The following NOL4 variants were observed in gnomAD, a reference collection of about 807,000 sequenced individuals.
NOL4 encodes the protein nucleolar protein 4, also known as cancer/testis antigen 125.
Under a neutral mutation model 75.9 loss-of-function variants are expected in NOL4, and 17 were observed. The observed-to-expected ratio is 0.22, with a 90% CI of 0.15 to 0.34. NOL4 has a LOEUF of 0.34. Ranked by LOEUF, NOL4 falls within the 10% of genes least tolerant of loss-of-function variation. The pLI is 1.00. For missense variants in NOL4, 614 were observed against 793.5 expected (o/e 0.77, Z 2.72); for synonymous variants, 292 against 289.9 (o/e 1.01, Z -0.07).
intron 1 of NOL4, among the ~76,000 whole-genome samples, chr18:34,145,303 A>G (rs1319610243): frequency 6.6e-6 from 1 of 152,092 alleles, no homozygotes; most frequent in African/African-American, 2.4e-5. Context: ...TCTAGTCTTA[A>G]GTATTATCAA....
At chr18:34,164,330 A>G (rs544061057) in intron 1 of NOL4, among the ~76,000 whole-genome samples, 372 of 152,186 alleles carry the variant, frequency 2.4e-3, no homozygotes, top group Non-Finnish European at 4.6e-3. Flanking sequence ...GAAAATTTTC[A>G]CAACCTACTC....
intron 1 of NOL4, among the ~76,000 whole-genome samples, chr18:34,137,678 G>A (rs540631968): frequency 1.8e-4 from 27 of 151,960 alleles, no homozygotes; most frequent in African/African-American, 6.5e-4. Context: ...TGGTGGGAAT[G>A]CAAAATAATG....
At chr18:34,068,899 G>A (rs2077394657) in intron 5 of NOL4, among the ~76,000 whole-genome samples, 1 of 151,862 alleles carries the variant, frequency 6.6e-6, no homozygotes, top group African/African-American at 2.4e-5. Context: ...AAACTATGGT[G>A]AAAGAAAAGG....
At chr18:34,185,296 T>C (rs549680172) in intron 1 of NOL4, among the ~76,000 whole-genome samples, 15 of 152,272 alleles carry the variant, frequency 9.9e-5, no homozygotes, top group Admixed American at 6.5e-4. Flanking sequence ...TAAAAGACCA[T>C]GGATTACTTC....
intron 9 of NOL4, among the ~76,000 whole-genome samples, chr18:33,909,827 A>T (rs924677532): frequency 6.6e-6 from 1 of 151,976 alleles, no homozygotes; most frequent in South Asian, 2.1e-4. Flanking sequence ...AGGAAGGATA[A>T]AATATATAAA....
chr18:34,119,158 T>C (rs2145820971), intron 2 of NOL4, among the ~76,000 whole-genome samples: 1 of 152,284 alleles, frequency 6.6e-6, no homozygotes, highest in Admixed American at 6.5e-5. Context: ...AAGACAGACA[T>C]ACTGGCCTGC....
chr18:34,000,344 T>C (rs1268196441), intron 6 of NOL4, among the ~76,000 whole-genome samples: 2 of 152,138 alleles, frequency 1.3e-5, no homozygotes, highest in African/African-American at 2.4e-5. Flanking sequence ...TGTCAGAATT[T>C]CCTTGAATGT....
At chr18:34,049,538 T>A (rs1253124511) in intron 5 of NOL4, among the ~76,000 whole-genome samples, 1 of 152,214 alleles carries the variant, frequency 6.6e-6, no homozygotes, top group South Asian at 2.1e-4. Flanking sequence ...GAAGGAAAGA[T>A]ACAGGGCAGG....
At chr18:33,939,801 A>G (rs111481712) in intron 9 of NOL4, among the ~76,000 whole-genome samples, 2 of 152,066 alleles carry the variant, frequency 1.3e-5, no homozygotes, top group African/African-American at 4.8e-5. Flanking sequence ...AGAACTTCCA[A>G]TACTGTGTTG....
At chr18:33,923,877 T>C (rs965251738) in intron 9 of NOL4, among the ~76,000 whole-genome samples, 1 of 152,180 alleles carries the variant, frequency 6.6e-6, no homozygotes, top group East Asian at 1.9e-4. Context: ...GTTTAAAATA[T>C]CTTCTCCCCC....
At chr18:33,919,006 T>C (rs2066883594) in intron 9 of NOL4, among the ~76,000 whole-genome samples, 1 of 152,156 alleles carries the variant, frequency 6.6e-6, no homozygotes, top group African/African-American at 2.4e-5. Context: ...AAATAAATGA[T>C]TAAATAAAAT....
intron 9 of NOL4, among the ~76,000 whole-genome samples, chr18:33,920,277 A>T (rs1176650975): frequency 3.3e-5 from 5 of 152,200 alleles, no homozygotes; most frequent in African/African-American, 1.2e-4. Context: ...TACAAAAAAA[A>T]TGAATATATT....
intron 6 of NOL4, among the ~76,000 whole-genome samples, chr18:34,015,371 A>G (rs2074624983): frequency 6.6e-6 from 1 of 151,894 alleles, no homozygotes; most frequent in Non-Finnish European, 1.5e-5. Context: ...CTGAGCACTA[A>G]CTCTCCTAAC....
intron 6 of NOL4, among the ~76,000 whole-genome samples, chr18:33,987,350 C>T (rs1414752487): frequency 1.3e-5 from 2 of 151,954 alleles, no homozygotes; most frequent in Admixed American, 6.6e-5. Context: ...AGATGAATGA[C>T]ACTTGATCAC....
intron 5 of NOL4, among the ~76,000 whole-genome samples, chr18:34,032,626 G>A (rs950316202): frequency 5.9e-5 from 9 of 152,138 alleles, no homozygotes; most frequent in Admixed American, 2.0e-4. Flanking sequence ...CACTCACCAC[G>A]TGGGATCCAG....
intron 4 of NOL4, among the ~76,000 whole-genome samples, chr18:34,096,408 A>C (rs1177983645): frequency 6.6e-6 from 1 of 152,066 alleles, no homozygotes; most frequent in African/African-American, 2.4e-5. Flanking sequence ...TTAGTTAATA[A>C]TTGATTAAAT....
At chr18:34,165,358 T>C (rs749576984) in intron 1 of NOL4, among the ~76,000 whole-genome samples, 17 of 152,164 alleles carry the variant, frequency 1.1e-4, no homozygotes, top group Non-Finnish European at 2.4e-4. Context: ...TTCCAGTGTG[T>C]AGATGTTTAA....
chr18:34,063,312 A>G (rs1308465424), intron 5 of NOL4, among the ~76,000 whole-genome samples: 1 of 152,094 alleles, frequency 6.6e-6, no homozygotes. Context: ...CCTTATAGGA[A>G]TATGTGTTGG....
chr18:34,063,138 C>A (rs1042558898), intron 5 of NOL4, among the ~76,000 whole-genome samples: 6 of 151,972 alleles, frequency 3.9e-5, no homozygotes, highest in African/African-American at 1.4e-4. Flanking sequence ...AGATGAAAAA[C>A]TGAACCCAAA....
Sources: allele counts gnomAD v4.1 joint callset (sites outside exome capture counted in the v4.1 genomes callset), GRCh38; gene constraint gnomAD v4.1.1; transcripts MANE v1.5; gene names NCBI Gene and HGNC (gene_info 2026-07-23, HGNC 2026-07-21).